The following HTR2A variants were observed in gnomAD, a reference collection of about 807,000 sequenced individuals.
HTR2A encodes the protein 5-HT2 receptor.
Under a neutral mutation model 31.0 loss-of-function variants are expected in HTR2A, and 14 were observed. The observed-to-expected ratio is 0.45, with a 90% confidence interval of 0.30 to 0.71. HTR2A has a LOEUF of 0.71. HTR2A is among the 30% of genes least tolerant of loss of function. HTR2A has a pLI of 0.09. For synonymous variants in HTR2A, 209 were observed against 225.2 expected, an observed-to-expected ratio of 0.93 and a Z score of 0.64; for missense variants, 442 against 573.3, an observed-to-expected ratio of 0.77 and a Z score of 2.34.
chr13:46,874,972 CA>C (rs1950896572), intron 3 of HTR2A, among the ~76,000 whole-genome samples: 1 of 152,148 alleles, frequency 6.6e-6, no homozygotes, highest in African/African-American at 2.4e-5. Context: ...CATCTTCTCT[CA>C]AATGAAACAA....
At chr13:46,837,520 G>A (rs1950570276) in intron 3 of HTR2A, among the ~76,000 whole-genome samples, 1 of 152,160 alleles carries the variant, frequency 6.6e-6, no homozygotes, top group South Asian at 2.1e-4. Context: ...ACTCAGAATT[G>A]TAGAACAAAG....
At chr13:46,839,682 A>G (rs763062683) in intron 3 of HTR2A, among the ~76,000 whole-genome samples, 1 of 152,218 alleles carries the variant, frequency 6.6e-6, no homozygotes, top group Non-Finnish European at 1.5e-5. Context: ...ATTCACTATC[A>G]GTATTAGATC....
chr13:46,856,354 A>G (rs1157306262), intron 3 of HTR2A: 1 of 152,206 alleles, frequency 6.6e-6, no homozygotes, highest in Non-Finnish European at 1.5e-5. Context: ...ATTTTTCTGA[A>G]CAAAGCAAGT....
At chr13:46,862,498 G>A (rs962417980) in intron 3 of HTR2A, among the ~76,000 whole-genome samples, 1 of 152,136 alleles carries the variant, frequency 6.6e-6, no homozygotes, top group African/African-American at 2.4e-5. Flanking sequence ...GAAATGTATT[G>A]TATAATCCAT....
chr13:46,882,055 T>C (rs7323792), intron 3 of HTR2A, among the ~76,000 whole-genome samples: 119,500 of 151,558 alleles, frequency 0.79, 47,418 homozygotes, highest in African/African-American at 0.88. Context: ...AATTTGAGGT[T>C]GCTCATAAAA....
intron 3 of HTR2A, among the ~76,000 whole-genome samples, chr13:46,864,944 GTT>G (rs58980985): frequency 9.9e-5 from 15 of 151,960 alleles, no homozygotes. Context: ...TTGTAAAGAG[GTT>G]TTTTTTTAGG....
At chr13:46,853,068 T>G (rs2138202189) in intron 3 of HTR2A, among the ~76,000 whole-genome samples, 1 of 152,318 alleles carries the variant, frequency 6.6e-6, no homozygotes, top group East Asian at 1.9e-4. Flanking sequence ...AAAGTTGGTC[T>G]GCTTGTTGTC....
intron 3 of HTR2A, among the ~76,000 whole-genome samples, chr13:46,849,087 T>C (rs1301735925): frequency 6.6e-6 from 1 of 152,160 alleles, no homozygotes; most frequent in Non-Finnish European, 1.5e-5. Context: ...ACACTAGGAC[T>C]CTGGGTTGCA....
At chr13:46,865,648 A>T (rs1297145653) in intron 3 of HTR2A, among the ~76,000 whole-genome samples, 1 of 152,004 alleles carries the variant, frequency 6.6e-6, no homozygotes, top group Non-Finnish European at 1.5e-5. Flanking sequence ...TGTACTGACC[A>T]CTGAAAATGT....
intron 3 of HTR2A, among the ~76,000 whole-genome samples, chr13:46,847,780 A>C (rs1378265011): frequency 1.3e-5 from 2 of 152,136 alleles, no homozygotes; most frequent in East Asian, 3.9e-4. Flanking sequence ...ATTAGGCAGG[A>C]TCTTTCTTAG....
At chr13:46,864,281 G>C (rs1371312508) in intron 3 of HTR2A, among the ~76,000 whole-genome samples, 1 of 152,022 alleles carries the variant, frequency 6.6e-6, no homozygotes, top group African/African-American at 2.4e-5. Context: ...AGACGATCAG[G>C]AAAAATAAAT....
intron 3 of HTR2A, among the ~76,000 whole-genome samples, chr13:46,871,925 A>G (rs1217049474): frequency 6.6e-6 from 1 of 152,252 alleles, no homozygotes; most frequent in Non-Finnish European, 1.5e-5. Context: ...ATCCTGCATA[A>G]GACATGATTT....
chr13:46,859,626 T>G (rs539944632), intron 3 of HTR2A, among the ~76,000 whole-genome samples: 1 of 152,240 alleles, frequency 6.6e-6, no homozygotes, highest in East Asian at 1.9e-4. Context: ...GTGTAGCACC[T>G]CCCTCACCTT....
At chr13:46,877,240 G>A (rs1014293772) in intron 3 of HTR2A, among the ~76,000 whole-genome samples, 2 of 152,070 alleles carry the variant, frequency 1.3e-5, no homozygotes, top group Admixed American at 6.5e-5. Flanking sequence ...GGCAGAACTC[G>A]GCTTAGATGA....
At chr13:46,861,233 A>G (rs193034658) in intron 3 of HTR2A, among the ~76,000 whole-genome samples, 2 of 152,330 alleles carry the variant, frequency 1.3e-5, no homozygotes, top group Admixed American at 6.5e-5. Context: ...AGACAATTCT[A>G]TTGTGTTAGC....
chr13:46,878,911 A>C (rs1002174600), intron 3 of HTR2A, among the ~76,000 whole-genome samples: 2 of 152,236 alleles, frequency 1.3e-5, no homozygotes, highest in Admixed American at 6.5e-5. Context: ...CTGAAAAGAA[A>C]ATGTCATTTT....
At chr13:46,857,519 C>T (rs931683608) in intron 3 of HTR2A, among the ~76,000 whole-genome samples, 62 of 152,116 alleles carry the variant, frequency 4.1e-4, no homozygotes, top group African/African-American at 1.4e-3. Flanking sequence ...CATGATTTAA[C>T]CACCTCTCAA....
chr13:46,846,249 T>C (rs970972770), intron 3 of HTR2A, among the ~76,000 whole-genome samples: 1 of 152,078 alleles, frequency 6.6e-6, no homozygotes, highest in Non-Finnish European at 1.5e-5. Context: ...GAAATATAAA[T>C]GAGAATTGCT....
intron 3 of HTR2A, among the ~76,000 whole-genome samples, chr13:46,846,134 AC>A (rs1300198782): frequency 1.3e-5 from 2 of 151,972 alleles, no homozygotes; most frequent in Non-Finnish European, 2.9e-5. Flanking sequence ...CAATGAGAAA[AC>A]CCAAATTTGG....
Sources: gnomAD v4.1 joint callset for allele counts (sites outside exome capture counted in the v4.1 genomes callset) on GRCh38, gnomAD v4.1.1 for gene constraint, MANE v1.5 for transcripts, NCBI Gene and HGNC (gene_info 2026-07-23, HGNC 2026-07-21) for gene names.